Variants in CSMD3 observed in about 807,000 individuals in gnomAD.
CSMD3 encodes CUB and Sushi multiple domains 3.
Under a neutral mutation model 435.2 loss-of-function variants are expected in CSMD3, and 177 were observed. That is an observed-to-expected ratio of 0.41 (90% CI 0.36 to 0.46). The LOEUF is 0.46. Ranked by LOEUF, CSMD3 falls within the 20% of genes least tolerant of loss-of-function variation. The pLI is 0.34. For synonymous variants in CSMD3, 1,656 were observed against 1,520.5 expected, an observed-to-expected ratio of 1.09 and a Z score of -2.07; for missense variants, 4,265 against 4,504.6, an observed-to-expected ratio of 0.95 and a Z score of 1.52.
At chr8:112,527,182 A>G (rs1273563630) in intron 27 of CSMD3, among the ~76,000 whole-genome samples, 1 of 151,936 alleles carries the variant, frequency 6.6e-6, no homozygotes, top group Non-Finnish European at 1.5e-5. Context: ...ACAATAAAAA[A>G]TCAAGATGCA....
At chr8:113,413,234 T>C (rs1427064449) in intron 1 of CSMD3, among the ~76,000 whole-genome samples, 2 of 152,140 alleles carry the variant, frequency 1.3e-5, no homozygotes, top group African/African-American at 4.8e-5. Flanking sequence ...TATTTCTCTT[T>C]TAAAATTAAC....
chr8:112,246,996 T>G (rs1457945655), intron 64 of CSMD3, 24 bp downstream of exon 64: 1 of 1,495,290 alleles, frequency 6.7e-7, no homozygotes, highest in East Asian at 2.3e-5. Flanking sequence ...CATGATAGCA[T>G]TATTTCTTAT....
chr8:113,203,675 C>T (rs1588269008), intron 3 of CSMD3, among the ~76,000 whole-genome samples: 1 of 152,052 alleles, frequency 6.6e-6, no homozygotes, highest in Non-Finnish European at 1.5e-5. Flanking sequence ...AACCTTTCTA[C>T]TTCCTCAGTC....
rs558754032 is a variant in CSMD3 at position 113,268,523 on chromosome 8, T to G, written c.514+10069A>C. On this transcript the variant is annotated intron_variant, in intron 3 of 70. Coordinates refer to ENST00000297405, the MANE Select transcript of CSMD3 (RefSeq NM_198123.2). The stretch of plus-strand genomic sequence containing the variant: ...TGCAACTAGATATTCATTAGAAAAT[T>G]TTTCTGCAGAAATTTAATAGTTCAC... 3.3e-5 allele frequency among the ~76,000 whole-genome samples: 5 copies of G among 151,748 alleles called. No homozygotes were observed. In the South Asian group the frequency reaches 1.0e-3, roughly 31 times the overall value.
At chr8:112,687,478 T>G (rs2076038229) in intron 14 of CSMD3, among the ~76,000 whole-genome samples, 1 of 152,178 alleles carries the variant, frequency 6.6e-6, no homozygotes, top group African/African-American at 2.4e-5. Flanking sequence ...AAAATAATTG[T>G]TCGCATTTCT....
chr8:113,347,796 C>T (rs777199420), intron 1 of CSMD3, among the ~76,000 whole-genome samples: 1 of 151,824 alleles, frequency 6.6e-6, no homozygotes, highest in African/African-American at 2.4e-5. Flanking sequence ...AAACAAATAA[C>T]GTTTTTTAAA....
At chr8:112,953,291 T>G (rs2083893714) in intron 8 of CSMD3, among the ~76,000 whole-genome samples, 1 of 151,536 alleles carries the variant, frequency 6.6e-6, no homozygotes. Context: ...AAGAGTCATC[T>G]CACCTGGTGA....
At chr8:112,730,734 T>A (rs996913864) in intron 13 of CSMD3, among the ~76,000 whole-genome samples, 1 of 152,060 alleles carries the variant, frequency 6.6e-6, no homozygotes, top group African/African-American at 2.4e-5. Flanking sequence ...GATCAATTGT[T>A]TTTTTTGTTT....
chr8:112,231,989 T>C (rs58225471), intron 68 of CSMD3, among the ~76,000 whole-genome samples: 1 of 151,914 alleles, frequency 6.6e-6, no homozygotes, highest in African/African-American at 2.4e-5. Context: ...ACATCCCCAC[T>C]CTCCCAACCT....
chr8:112,521,124 T>C (rs1701523807), intron 27 of CSMD3, among the ~76,000 whole-genome samples: 1 of 152,034 alleles, frequency 6.6e-6, no homozygotes, highest in African/African-American at 2.4e-5. Flanking sequence ...TACTGGATCA[T>C]TCTCAACAGC....
At chr8:113,222,887 T>G (rs565520749) in intron 3 of CSMD3, among the ~76,000 whole-genome samples, 2 of 151,136 alleles carry the variant, frequency 1.3e-5, no homozygotes, top group African/African-American at 4.8e-5. Context: ...AATTTTCACA[T>G]GATATTTCGG....
intron 39 of CSMD3, 139 bp downstream of exon 39, chr8:112,352,277 T>G (rs1186685485): frequency 7.8e-7 from 1 of 1,278,058 alleles, no homozygotes; most frequent in African/African-American, 1.5e-5. Flanking sequence ...GCATATTTTA[T>G]TATCAAATTG....
intron 3 of CSMD3, among the ~76,000 whole-genome samples, chr8:113,238,981 A>T (rs867600042): frequency 1.3e-4 from 20 of 152,140 alleles, no homozygotes; most frequent in African/African-American, 4.1e-4. Flanking sequence ...TAGACCACAC[A>T]AAGCAGGTTG....
rs953637879 is a variant in CSMD3 at position 113,230,988 on chromosome 8, T to C, written c.514+47604A>G. On this transcript the variant is annotated intron_variant, in intron 3 of 70. Transcript: ENST00000297405. ...AAAACTTGAAACTAACAAATTTACATGTATCTCCTTTGTTCTATCTCAATT... is the reference window on the plus strand; with the variant it reads ...AAAACTTGAAACTAACAAATTTACACGTATCTCCTTTGTTCTATCTCAATT... Among the ~76,000 whole-genome samples, 22 of 151,554 alleles carry C rather than the reference T, an allele frequency of 1.5e-4. No homozygotes were observed. In the South Asian group the frequency reaches 2.1e-3, roughly 14 times the overall value.
At chr8:112,412,879 G>A (rs1015367221) in intron 32 of CSMD3, among the ~76,000 whole-genome samples, 1 of 152,056 alleles carries the variant, frequency 6.6e-6, no homozygotes, top group Non-Finnish European at 1.5e-5. Context: ...TGATGTGGCA[G>A]CTTTTCTTTA....
chr8:112,422,621 C>A (rs1202822859), intron 32 of CSMD3, among the ~76,000 whole-genome samples: 2 of 152,108 alleles, frequency 1.3e-5, no homozygotes, highest in Non-Finnish European at 2.9e-5. Context: ...ATACCCACTC[C>A]TTTGGATTGT....
At chr8:113,055,665 T>C (rs2088296422) in intron 5 of CSMD3, among the ~76,000 whole-genome samples, 1 of 152,182 alleles carries the variant, frequency 6.6e-6, no homozygotes, top group Admixed American at 6.5e-5. Context: ...ACAGAAAATA[T>C]TAGAAGGATG....
intron 1 of CSMD3, among the ~76,000 whole-genome samples, chr8:113,356,283 G>A (rs943638929): frequency 3.3e-5 from 5 of 152,018 alleles, no homozygotes; most frequent in African/African-American, 1.2e-4. Flanking sequence ...TTAAATTAAT[G>A]CATAAAATGA....
At chr8:112,560,532 C>G (rs960323582) in intron 24 of CSMD3, among the ~76,000 whole-genome samples, 22 of 151,484 alleles carry the variant, frequency 1.5e-4, no homozygotes, top group African/African-American at 4.8e-4. Context: ...TTTGAGAGAC[C>G]ATTTTTAAAA....
Sources: allele counts gnomAD v4.1 joint callset (sites outside exome capture counted in the v4.1 genomes callset), GRCh38; gene constraint gnomAD v4.1.1; transcripts MANE v1.5; gene names NCBI Gene and HGNC (gene_info 2026-07-23, HGNC 2026-07-21).